OSBPL10: variants seen among roughly 807,000 people sequenced by gnomAD.
The protein encoded by OSBPL10 is oxysterol-binding protein-related protein 10.
Under a neutral mutation model 81.7 loss-of-function variants are expected in OSBPL10, and 49 were observed. The ratio of observed to expected loss-of-function variants is 0.60; its 90% CI spans 0.48 to 0.76. The LOEUF (loss-of-function observed/expected upper bound fraction) is 0.76, where lower values mean the gene tolerates loss of function less well. Among genes scored for constraint, OSBPL10 ranks in the 30% least tolerant of loss-of-function variants. The pLI is 0.00. For missense variants in OSBPL10, 923 were observed against 987.8 expected (o/e 0.93, Z 0.88); for synonymous variants, 419 against 383.6 (o/e 1.09, Z -1.08).
chr3:31,805,713 C>A (rs1699505350), intron 4 of OSBPL10, among the ~76,000 whole-genome samples: 1 of 152,172 alleles, frequency 6.6e-6, no homozygotes, highest in Non-Finnish European at 1.5e-5. Flanking sequence ...TCAGCCATCA[C>A]AACCTGCCTC....
chr3:31,706,304 C>A (rs1419587245), intron 6 of OSBPL10, among the ~76,000 whole-genome samples: 1 of 152,200 alleles, frequency 6.6e-6, no homozygotes, highest in South Asian at 2.1e-4. Flanking sequence ...TATCCACCCC[C>A]ATCCTTGAAA....
intron 5 of OSBPL10, among the ~76,000 whole-genome samples, chr3:31,739,430 T>G (rs1396165470): frequency 6.6e-6 from 1 of 152,166 alleles, no homozygotes; most frequent in Admixed American, 6.5e-5. Context: ...TCCCCCAAGA[T>G]TCATATGTTG....
chr3:31,725,663 C>T (rs957845083), intron 6 of OSBPL10, among the ~76,000 whole-genome samples: 7 of 152,156 alleles, frequency 4.6e-5, no homozygotes, highest in East Asian at 1.9e-4. Context: ...AGCTCCAGGA[C>T]GCTGACCATG....
At chr3:31,936,578 C>T (rs1383897242) in intron 1 of OSBPL10, among the ~76,000 whole-genome samples, 1 of 152,182 alleles carries the variant, frequency 6.6e-6, no homozygotes, top group Non-Finnish European at 1.5e-5. Flanking sequence ...ACATTTTTCA[C>T]ATTTCCAAAC....
intron 3 of OSBPL10, among the ~76,000 whole-genome samples, chr3:31,835,349 TAAAC>T (rs896485354): frequency 2.6e-5 from 4 of 151,366 alleles, no homozygotes; most frequent in African/African-American, 9.7e-5. Flanking sequence ...ATACTTGCGA[TAAAC>T]AAAGTTCCAA....
At chr3:31,806,930 T>TGGGA (rs1342942581) in intron 4 of OSBPL10, among the ~76,000 whole-genome samples, 1 of 151,842 alleles carries the variant, frequency 6.6e-6, no homozygotes, top group African/African-American at 2.4e-5. Context: ...AACAGGGGTC[T>TGGGA]GGGAGGGAGG....
chr3:32,011,964 T>C (rs964042831), intron 2 of OSBPL10, among the ~76,000 whole-genome samples: 2 of 152,242 alleles, frequency 1.3e-5, no homozygotes, highest in African/African-American at 4.8e-5. Flanking sequence ...AATCTACATC[T>C]GATTGGTGTA....
At chr3:31,723,992 G>A (rs1195303348) in intron 6 of OSBPL10, among the ~76,000 whole-genome samples, 1 of 152,186 alleles carries the variant, frequency 6.6e-6, no homozygotes, top group Non-Finnish European at 1.5e-5. Context: ...AGGGAGCTGT[G>A]AAATTTAGGG....
chr3:31,864,808 G>A (rs1371311874), intron 3 of OSBPL10, among the ~76,000 whole-genome samples: 2 of 152,138 alleles, frequency 1.3e-5, no homozygotes, highest in Non-Finnish European at 2.9e-5. Flanking sequence ...ACGATTGTTC[G>A]AGCTAGGGAC....
rs896024458 is a variant in OSBPL10 at position 31,823,523 on chromosome 3, G to A, written c.729+6517C>T. 5.3e-5 allele frequency among the ~76,000 whole-genome samples: 8 copies of A among 152,198 alleles called. 1 individual carries two copies. In the South Asian group the frequency reaches 6.2e-4, roughly 12 times the overall value. Reference sequence around the variant, plus strand: ...ATGGGAGACACATACATAACTTTACGTTTTCTAGTAGGCGAATTTAAAAGG... The same window carrying A: ...ATGGGAGACACATACATAACTTTACATTTTCTAGTAGGCGAATTTAAAAGG... On this transcript the variant is annotated intron_variant, in intron 4 of 11. Transcript: ENST00000396556.
intron 2 of OSBPL10, chr3:31,990,090 T>C: frequency 6.2e-7 from 1 of 1,611,678 alleles, no homozygotes. Flanking sequence ...GAATTCATAC[T>C]GGAGAGAAAC....
rs1700728198 is a variant in OSBPL10 at position 31,684,011 on chromosome 3, G to T, written c.1349C>A (p.Thr450Lys). Residue 450 changes from threonine to lysine, a missense_variant, in exon 8 of 12, where the codon ACA becomes AAA. Coordinates refer to ENST00000396556, the MANE Select transcript of OSBPL10 (RefSeq NM_017784.5). ...GAAGCAAATGACTCTCTCCTCTGGT[G>T]TGGCCCCAGCGGTGATGGCCAGCAG... ...DLLLAITAGA[T>K]PEERVICFVE... 6.2e-7 allele frequency: 1 copy of T among 1,614,114 alleles called. No homozygotes were observed. The highest frequency in any genetic ancestry group is 8.5e-7 in the Non-Finnish European group (1 of 1,180,060).
At chr3:31,841,001 T>C (rs1287411109) in intron 3 of OSBPL10, among the ~76,000 whole-genome samples, 1 of 152,182 alleles carries the variant, frequency 6.6e-6, no homozygotes, top group Admixed American at 6.5e-5. Context: ...CTCCGCCTCC[T>C]AGGTTCAAGC....
At chr3:31,911,646 T>C (rs1342085390) in intron 1 of OSBPL10, among the ~76,000 whole-genome samples, 1 of 151,824 alleles carries the variant, frequency 6.6e-6, no homozygotes, top group African/African-American at 2.4e-5. Flanking sequence ...AAAACTCATG[T>C]TTTAAGAAAA....
intron 4 of OSBPL10, 107 bp from the exon 5 acceptor site, chr3:31,748,227 C>A (rs960352038): frequency 1.1e-5 from 11 of 973,984 alleles, no homozygotes; most frequent in Admixed American, 2.0e-5. Context: ...TGAGGGTCAA[C>A]TCAGCGTGTT....
At chr3:31,962,869 C>T (rs1042801443) in intron 1 of OSBPL10, among the ~76,000 whole-genome samples, 3 of 152,218 alleles carry the variant, frequency 2.0e-5, no homozygotes, top group Non-Finnish European at 2.9e-5. Context: ...ACCTACTATG[C>T]GCCAGGCACT....
intron 1 of OSBPL10, among the ~76,000 whole-genome samples, chr3:31,936,782 T>TC (rs1039694395): frequency 1.1e-3 from 164 of 152,216 alleles, no homozygotes; most frequent in African/African-American, 3.9e-3. Context: ...GTGTTTAAAT[T>TC]CCCCAAAGGA....
intron 8 of OSBPL10, among the ~76,000 whole-genome samples, chr3:31,681,272 G>A (rs957846151): frequency 3.9e-5 from 6 of 152,286 alleles, no homozygotes; most frequent in Non-Finnish European, 7.4e-5. Context: ...GGCCCAACAC[G>A]AATGCTGAGT....
At chr3:31,721,018 T>C (rs1696627270) in intron 6 of OSBPL10, among the ~76,000 whole-genome samples, 1 of 152,030 alleles carries the variant, frequency 6.6e-6, no homozygotes, top group African/African-American at 2.4e-5. Context: ...GAGATTTTCC[T>C]AGATTATCTG....
Sources: allele counts gnomAD v4.1 joint callset (sites outside exome capture counted in the v4.1 genomes callset), GRCh38; gene constraint gnomAD v4.1.1; transcripts MANE v1.5; gene names NCBI Gene and HGNC (gene_info 2026-07-23, HGNC 2026-07-21).